DVL1: variants seen among roughly 807,000 people sequenced by gnomAD.
DVL1 encodes segment polarity protein dishevelled homolog DVL-1.
A neutral mutation model predicts 65.0 loss-of-function variants in DVL1; 49 were observed. The observed-to-expected ratio is 0.75, with a 90% CI of 0.60 to 0.96. DVL1 has a LOEUF of 0.96. Ranked by LOEUF, DVL1 falls within the 40% of genes least tolerant of loss-of-function variation. The probability of loss-of-function intolerance (pLI) is 0.00; values close to 1 mark genes in which losing one functional copy is unlikely to be tolerated. For synonymous variants in DVL1, 608 were observed against 433.9 expected (o/e 1.40, Z -4.99); for missense variants, 1,197 against 1,045.4 (o/e 1.15, Z -2.00).
Position 1,338,265 on chromosome 1 carries a change from TC to T in DVL1, c.1507+3del. 1 of 469,948 alleles carries T rather than the reference TC, an allele frequency of 2.1e-6. No individual in the cohort carries two copies. The highest frequency in any genetic ancestry group is 3.6e-6 in the Non-Finnish European group (1 of 279,044). 29.1% of individuals were successfully genotyped at this position (469,948 alleles called of 1,614,324 possible). On this transcript the variant is annotated splice_donor_region_variant and intron_variant, in intron 13 of 14. Coordinates refer to ENST00000378888, the MANE Select transcript of DVL1 (RefSeq NM_001330311.2). ...CCGCCCTGAAGCCCGAAGCCCCCAC[TC>T]ACTGCTGCAGAGATCCCCGAAGACG...
intron 4 of DVL1, 25 bp from the exon 5 acceptor site, chr1:1,341,830 T>C: frequency 6.4e-7 from 1 of 1,556,946 alleles, no homozygotes; most frequent in Non-Finnish European, 8.7e-7. Flanking sequence ...GGTTGGGAAC[T>C]GACTGCAGGG....
chr1:1,342,388 C>G lies in DVL1; in HGVS notation c.337G>C (p.Gly113Arg), dbSNP rs745909987. 2 of 1,587,200 alleles carry G rather than the reference C, an allele frequency of 1.3e-6. No homozygotes were observed. The highest frequency in any genetic ancestry group is 1.7e-6 in the Non-Finnish European group (2 of 1,168,572). ...TGGAAGGAGGGGGGCCGGGAGTCCC[C>G]GATGCCGCCTGTCCGCTCAAGAGGC... ...PPPLERTGGI[G>R]DSRPPSFHPN... Residue 113 changes from glycine (G) to arginine (R), a missense_variant, in exon 3 of 15, where the codon GGG (glycine) becomes CGG (arginine). Physicochemically the swap from Gly to Arg is moderately radical, Grantham distance 125. Coordinates refer to ENST00000378888, the MANE Select transcript of DVL1 (RefSeq NM_001330311.2).
chr1:1,338,790 G>A, intron 11 of DVL1, 137 bp from the exon 12 acceptor site: 1 of 1,365,868 alleles, frequency 7.3e-7, no homozygotes, highest in Non-Finnish European at 9.7e-7. Flanking sequence ...CAGGGCCCCG[G>A]CCCACTGCAG....
chr1:1,336,852 C>A (rs1372422530), intron 14 of DVL1, among the ~76,000 whole-genome samples: 2 of 152,182 alleles, frequency 1.3e-5, no homozygotes, highest in Non-Finnish European at 2.9e-5. Flanking sequence ...GCCCCCGTGG[C>A]CATCCTGGAT....
Position 1,337,115 on chromosome 1 carries a change from C to CCGG in DVL1, c.1715-601_1715-600insCCG, listed in dbSNP as rs1643604116. On this transcript the variant is annotated intron_variant, in intron 14 of 14. Transcript: ENST00000378888. The stretch of plus-strand genomic sequence containing the variant: ...ACACGCCCGGCTGCCTGGCACCTGC[C>CCGG]CAGCACCCACCCGCCACCAGTGGGG... The CCGG allele has an allele frequency of 3.0e-6, 3 of 987,850 alleles. No homozygotes were observed. The African/African-American group carries it at 5.2e-5, about 17-fold the overall frequency. The allele number at this position is 987,850 out of a possible 1,614,324, so 61.2% of individuals were successfully genotyped here. A position where few individuals can be genotyped will look rare whatever the true frequency, so the allele number is the denominator to read the frequency against.
chr1:1,339,437 C>T lies in DVL1; in HGVS notation c.1057G>A (p.Asp353Asn). 1 of 1,547,534 alleles carries T rather than the reference C, an allele frequency of 6.5e-7. No individual in the cohort carries two copies. The highest frequency in any genetic ancestry group is 2.0e-5 in the Admixed American group (1 of 50,874). Reference sequence around the variant, plus strand: ...GCGGGGTCGATGGGCCGCACCGGGTCAGCTGGGTGGCCGCCACGTGGCGAT... The same window carrying T: ...GCGGGGTCGATGGGCCGCACCGGGTTAGCTGGGTGGCCGCCACGTGGCGAT... ...PRSYFTVPRA[D>N]PVRPIDPAAW... The change falls in exon 11 of 15, where the codon GAC (aspartate) becomes AAC (asparagine). Residue 353 changes from aspartate (D) to asparagine (N), a missense_variant and splice_region_variant. Physicochemically the swap from Asp to Asn is conservative, Grantham distance 23. Transcript: ENST00000378888.
intron 14 of DVL1, chr1:1,337,656 C>T (rs1254557618): frequency 5.8e-6 from 3 of 515,278 alleles, no homozygotes; most frequent in Non-Finnish European, 1.1e-5. Flanking sequence ...CTCCTGGAGG[C>T]CCCTCATCCC....
Position 1,340,062 on chromosome 1 carries a change from G to T in DVL1, c.885C>A (p.Ile295=), listed in dbSNP as rs148365797. Residue 295 remains isoleucine, a synonymous_variant, in exon 8 of 15, where the codon ATC becomes ATA. Coordinates refer to ENST00000378888, the MANE Select transcript of DVL1 (RefSeq NM_001330311.2). The part of the protein sequence containing the change: ...KGGAVAADGR[I]EPGDMLLQVN... Reference sequence around the variant, plus strand: ...CCTGCAGCAACATGTCGCCGGGCTCGATGCGGCCGTCAGCGGCCACAGCCC... The same window carrying T: ...CCTGCAGCAACATGTCGCCGGGCTCTATGCGGCCGTCAGCGGCCACAGCCC... 17 of 1,612,742 alleles carry T rather than the reference G, an allele frequency of 1.1e-5. No homozygotes were observed. In the East Asian group the frequency reaches 3.6e-4, roughly 34 times the overall value.
chr1:1,336,884 T>C, intron 14 of DVL1: 1 of 629,718 alleles, frequency 1.6e-6, no homozygotes, highest in Non-Finnish European at 2.0e-6. Flanking sequence ...GGCCCCACTG[T>C]CCCCCCGGCC....
Position 1,336,287 on chromosome 1 carries a change from G to C in DVL1, c.1943C>G (p.Thr648Ser). Residue 648 changes from threonine (T) to serine (S), a missense_variant, in exon 15 of 15, where the codon ACC becomes AGC. By Grantham distance (58) the Thr-to-Ser change is moderately conservative (BLOSUM62 1). Transcript: ENST00000378888. ...CCCCCCCACCACTGTATAGGCCTTG[G>C]TCGTGGGGTGGGGCGGGGGGAGCCC... Reference protein sequence around the residue: ...APGLPPPHPTTKAYTVVGGPP... With the variant: ...APGLPPPHPTSKAYTVVGGPP... 4 of 1,563,362 alleles carry C rather than the reference G, an allele frequency of 2.6e-6. No homozygotes were observed. The highest frequency in any genetic ancestry group is 3.4e-6 in the Non-Finnish European group (4 of 1,160,902).
At chr1:1,345,540 G>T (rs1643903005) in intron 1 of DVL1, among the ~76,000 whole-genome samples, 1 of 152,200 alleles carries the variant, frequency 6.6e-6, no homozygotes, top group Admixed American at 6.5e-5. Flanking sequence ...CACGGCAGCT[G>T]CCAGGGGCGC....
Position 1,339,336 on chromosome 1 carries a change from G to A in DVL1, c.1158C>T (p.Val386=). ...TTAGTGAGGAGGAGCTGGTGCGCGT[G>A]ACGGCGCTGGAGCAGGGACTCGTAC... ...RYGTSPCSSA[V]TRTSSSSLTS... is the part of the protein sequence containing the mutation. The change falls in exon 11 of 15, where the codon GTC becomes GTT. Residue 386 remains valine (V), a synonymous_variant. Transcript: ENST00000378888. 1.3e-6 allele frequency: 2 copies of A among 1,548,668 alleles called. No homozygotes were observed. Among genetic ancestry groups the A allele is most frequent in the Non-Finnish European group, 1.7e-6 (2 of 1,146,892 alleles).
Position 1,338,068 on chromosome 1 carries a change from C to G in DVL1, c.1623G>C (p.Gln541His). The G allele has an allele frequency of 6.2e-7, 1 of 1,610,752 alleles. No homozygotes were observed. The highest frequency in any genetic ancestry group is 1.1e-5 in the South Asian group (1 of 90,912). ...PWPLGQGYPY[Q>H]YPGPPPCFPP... ...GGAAGCAGGGTGGGGGTCCCGGGTA[C>G]TGGTAGGGGTAGCCCTGACCCAGAG... Residue 541 changes from glutamine to histidine, a missense_variant, in exon 14 of 15, where the codon CAG (glutamine) becomes CAC (histidine). By Grantham distance (24) the Gln-to-His change is conservative. Transcript: ENST00000378888.
intron 4 of DVL1, 53 bp downstream of exon 4, chr1:1,342,000 G>T: frequency 6.7e-7 from 1 of 1,495,532 alleles, no homozygotes; most frequent in South Asian, 1.2e-5. Flanking sequence ...CATGGCTCAT[G>T]GGGGTCCCAG....
At chr1:1,336,579 A>C (rs2100705342) in intron 14 of DVL1, 64 bp from the exon 15 acceptor site, 1 of 1,460,230 alleles carries the variant, frequency 6.8e-7, no homozygotes, top group Non-Finnish European at 9.0e-7. Context: ...GTCCAGAACA[A>C]CCGCCCCCGC....
At position 1,349,071 on chromosome 1, in the gene DVL1, G is replaced by A; in HGVS notation, c.-6C>T. ...ATAATCTTGGTCTCCGCCATGGCGC[G>A]GCGGCGGCGCGGAGCCCGCGCGCTC... On this transcript the variant is annotated 5_prime_UTR_variant, in exon 1 of 15. Transcript: ENST00000378888. This position sits in a 1 kb window ranked among gnomAD's most constrained non-coding sequence, Gnocchi z 4.1. The A allele has an allele frequency of 2.0e-6, 3 of 1,472,692 alleles. No homozygotes were observed. Among genetic ancestry groups the A allele is most frequent in the South Asian group, 2.4e-5 (2 of 84,188 alleles). 91.2% of individuals were successfully genotyped at this position (1,472,692 alleles called of 1,614,324 possible). A position where few individuals can be genotyped will look rare whatever the true frequency, so the allele number is the denominator to read the frequency against.
At chr1:1,339,152 G>A (rs1310874751) in intron 11 of DVL1, 135 bp downstream of exon 11, 1 of 1,242,128 alleles carries the variant, frequency 8.1e-7, no homozygotes, top group Non-Finnish European at 1.1e-6. Flanking sequence ...GCACACGTCT[G>A]TGCAGGGAGT....
intron 1 of DVL1, among the ~76,000 whole-genome samples, chr1:1,345,706 C>T (rs1643905390): frequency 6.6e-6 from 1 of 152,186 alleles, no homozygotes; most frequent in South Asian, 2.1e-4. Flanking sequence ...CTCCAGACTC[C>T]CAGAGGCCAC....
intron 4 of DVL1, 121 bp from the exon 5 acceptor site, chr1:1,341,926 C>T (rs1420635846): frequency 6.8e-7 from 1 of 1,462,722 alleles, no homozygotes; most frequent in Non-Finnish European, 9.2e-7. Flanking sequence ...TGTAGGCTCG[C>T]TGGGCCTGTG....
Sources: allele counts gnomAD v4.1 joint callset (sites outside exome capture counted in the v4.1 genomes callset), GRCh38; gene constraint gnomAD v4.1.1; non-coding constraint Gnocchi (gnomAD v3.1); transcripts MANE v1.5; gene names NCBI Gene and HGNC (gene_info 2026-07-23, HGNC 2026-07-21).